Variants in PCDHA1 observed in about 807,000 individuals in gnomAD.
PCDHA1 encodes protocadherin alpha-1.
A neutral mutation model predicts 61.3 loss-of-function variants in PCDHA1; 42 were observed. That is an observed-to-expected ratio of 0.69 (90% CI 0.54 to 0.89). PCDHA1 has a LOEUF of 0.89. Ranked by LOEUF, PCDHA1 falls within the 40% of genes least tolerant of loss-of-function variation. The pLI, the probability that PCDHA1 is intolerant of heterozygous loss-of-function variation, is 0.00. For missense variants in PCDHA1, 1,256 were observed against 1,235.3 expected (o/e 1.02, Z -0.25); for synonymous variants, 610 against 553.8 (o/e 1.10, Z -1.43).
rs192014288 is a variant in PCDHA1, at chr5:140,938,120, T to A, written c.2395-40829T>A. Among the ~76,000 whole-genome samples the A allele has an allele frequency of 2.0e-3, 311 of 152,258 alleles. 6 individuals are homozygous for A. In the East Asian group the frequency reaches 0.05, roughly 25 times the overall value. ...GTATTTTTTACTTTCTCTCTTTTTT[T>A]AAAAAAATAGAGATAGAGTCTCACT... On this transcript the variant is annotated intron_variant, in intron 1 of 3. Transcript: ENST00000504120.
chr5:141,002,675 A>G (rs782045638), intron 3 of PCDHA1, among the ~76,000 whole-genome samples: 5 of 152,222 alleles, frequency 3.3e-5, no homozygotes, highest in African/African-American at 4.8e-5. Context: ...ACCAAAACCT[A>G]TACGACGTGC....
At chr5:140,929,935 T>C (rs1253092331) in intron 1 of PCDHA1, 1 of 152,218 alleles carries the variant, frequency 6.6e-6, no homozygotes, top group Non-Finnish European at 1.5e-5. Context: ...CAGTGTATTC[T>C]CTAGCCTATA....
chr5:140,802,287 C>T, intron 1 of PCDHA1: 1 of 1,614,240 alleles, frequency 6.2e-7, no homozygotes, highest in Non-Finnish European at 8.5e-7. Flanking sequence ...AGAAGACTCT[C>T]CACTTAGCAC....
At chr5:140,984,157 C>G (rs1187103463) in intron 3 of PCDHA1, among the ~76,000 whole-genome samples, 1 of 152,228 alleles carries the variant, frequency 6.6e-6, no homozygotes, top group Non-Finnish European at 1.5e-5. Flanking sequence ...AAGGTGAGAA[C>G]TTCCCAAAGA....
intron 1 of PCDHA1, among the ~76,000 whole-genome samples, chr5:140,898,476 G>A (rs1167001415): frequency 6.6e-6 from 1 of 152,072 alleles, no homozygotes; most frequent in Non-Finnish European, 1.5e-5. Flanking sequence ...TTTTTCTCAG[G>A]TTTGTCAAAG....
At chr5:140,956,297 G>A (rs1449094533) in intron 1 of PCDHA1, among the ~76,000 whole-genome samples, 1 of 151,928 alleles carries the variant, frequency 6.6e-6, no homozygotes, top group African/African-American at 2.4e-5. Context: ...TCATATATAT[G>A]GCTCTTATTA....
At chr5:140,901,982 A>G (rs1250710466) in intron 1 of PCDHA1, among the ~76,000 whole-genome samples, 2 of 151,818 alleles carry the variant, frequency 1.3e-5, no homozygotes, top group Non-Finnish European at 1.5e-5. Flanking sequence ...TTACTTTTTA[A>G]TTTCATTTTC....
intron 1 of PCDHA1, chr5:140,967,846 C>A: frequency 6.2e-7 from 1 of 1,614,166 alleles, no homozygotes; most frequent in Non-Finnish European, 8.5e-7. Context: ...ACGTGAATGA[C>A]AATGCCCCAG....
intron 1 of PCDHA1, among the ~76,000 whole-genome samples, chr5:140,833,650 C>T (rs1554133918): frequency 6.6e-6 from 1 of 152,108 alleles, no homozygotes; most frequent in African/African-American, 2.4e-5. Flanking sequence ...TCACATGATA[C>T]AAATTCTTCC....
chr5:140,814,252 A>G (rs1554126453), intron 1 of PCDHA1: 1 of 152,422 alleles, frequency 6.6e-6, no homozygotes, highest in African/African-American at 2.4e-5. Flanking sequence ...ATGAAGATAT[A>G]AACACCCATA....
At chr5:140,833,334 G>A (rs2150207587) in intron 1 of PCDHA1, among the ~76,000 whole-genome samples, 2 of 152,176 alleles carry the variant, frequency 1.3e-5, no homozygotes, top group Non-Finnish European at 2.9e-5. Context: ...GAACATTGGA[G>A]TGAAACATTC....
intron 1 of PCDHA1, among the ~76,000 whole-genome samples, chr5:140,896,352 A>G (rs1045413506): frequency 2.6e-5 from 4 of 152,166 alleles, no homozygotes; most frequent in African/African-American, 4.8e-5. Flanking sequence ...TCCCGCCAGC[A>G]GTGTATAAGC....
intron 1 of PCDHA1, among the ~76,000 whole-genome samples, chr5:140,900,435 G>A (rs1219799362): frequency 3.3e-5 from 5 of 152,088 alleles, no homozygotes; most frequent in African/African-American, 9.7e-5. Context: ...GTGCCACCAC[G>A]GCCGGCTAAT....
At chr5:140,822,822 G>A (rs2150119686) in intron 1 of PCDHA1, 2 of 1,614,028 alleles carry the variant, frequency 1.2e-6, no homozygotes, top group African/African-American at 1.3e-5. Context: ...CCCCAGAGAT[G>A]GCCATAACCA....
intron 1 of PCDHA1, chr5:140,816,153 G>A (rs2126669900): frequency 1.3e-5 from 2 of 152,238 alleles, no homozygotes; most frequent in Admixed American, 6.5e-5. Flanking sequence ...CAGCCTGCTC[G>A]AGGATGTCCT....
In PCDHA1 at chr5:140,985,229, G is replaced by T. The variant is rs903728570; in HGVS notation, c.2542+2666G>T. ...TGGGATTACAGGCGTGAGCCACCGC[G>T]CCTGGCCTAATCTTCTTACTCTTTT... On this transcript the variant is annotated intron_variant, in intron 3 of 3. Transcript: ENST00000504120. 3.9e-5 allele frequency among the ~76,000 whole-genome samples: 6 copies of T among 152,216 alleles called. No homozygotes were observed. The South Asian group carries it at 6.2e-4, about 16-fold the overall frequency.
At chr5:140,809,474 G>A (rs150783892) in intron 1 of PCDHA1, 12 of 1,614,110 alleles carry the variant, frequency 7.4e-6, no homozygotes, top group Middle Eastern at 1.6e-4. Flanking sequence ...CTCTGGTGAG[G>A]GCCCACCCAA....
intron 1 of PCDHA1, chr5:140,796,216 G>A (rs782456335): frequency 2.3e-5 from 37 of 1,614,198 alleles, no homozygotes; most frequent in African/African-American, 2.7e-5. Flanking sequence ...CCGCGAGAGC[G>A]TGTCAGCCTA....
intron 1 of PCDHA1, chr5:140,822,209 G>A (rs2150114554): frequency 6.2e-7 from 1 of 1,614,228 alleles, no homozygotes; most frequent in Non-Finnish European, 8.5e-7. Context: ...TTAGAGTCAA[G>A]AATGCCAGAT....
Sources: gnomAD v4.1 joint callset for allele counts (sites outside exome capture counted in the v4.1 genomes callset) on GRCh38, gnomAD v4.1.1 for gene constraint, MANE v1.5 for transcripts, NCBI Gene and HGNC (gene_info 2026-07-23, HGNC 2026-07-21) for gene names.